ZNF469: variants seen among roughly 807,000 people sequenced by gnomAD.
ZNF469 encodes zinc finger protein 469.
Under a neutral mutation model 1.0 loss-of-function variants are expected in ZNF469, and 1 was observed. The ratio of observed to expected loss-of-function variants is 1.00; its 90% CI spans 0.35 to 4.73. The LOEUF (loss-of-function observed/expected upper bound fraction) is 4.73. Ranked by LOEUF, ZNF469 falls within the 30% of genes most tolerant of loss-of-function variation. The probability of loss-of-function intolerance (pLI) is 0.16; values close to 1 mark genes in which losing one functional copy is unlikely to be tolerated. For synonymous variants in ZNF469, 2,703 were observed against 2,363.4 expected (o/e 1.14, Z -4.17); for missense variants, 6,100 against 5,356.3 (o/e 1.14, Z -4.33).
the ZNF469 span, among the ~76,000 whole-genome samples, chr16:88,285,185 C>T: frequency 1.3e-5 from 2 of 152,392 alleles, no homozygotes; most frequent in African/African-American, 4.8e-5. Context: ...GGGCCAAAGG[C>T]CCGTGTGCCC....
the ZNF469 span, among the ~76,000 whole-genome samples, chr16:88,264,234 C>A: frequency 5.5e-4 from 84 of 152,094 alleles, no homozygotes; most frequent in Non-Finnish European, 1.2e-3. Context: ...TTCCTCCTCC[C>A]ACACCGAAAC....
At chr16:88,276,907 T>C in the ZNF469 span, among the ~76,000 whole-genome samples, 1 of 150,540 alleles carries the variant, frequency 6.6e-6, no homozygotes, top group Admixed American at 6.6e-5. Flanking sequence ...TCATTAGTGC[T>C]GTGCCACACT....
At chr16:88,259,376 C>T in the ZNF469 span, among the ~76,000 whole-genome samples, 1 of 152,084 alleles carries the variant, frequency 6.6e-6, no homozygotes, top group Non-Finnish European at 1.5e-5. This position sits in a 1 kb window ranked among gnomAD's most constrained non-coding sequence, Gnocchi z 4.1. Flanking sequence ...GCGGAGTCTG[C>T]GAAACAAAAC....
At chr16:88,268,369 C>CA in the ZNF469 span, among the ~76,000 whole-genome samples, 1 of 152,040 alleles carries the variant, frequency 6.6e-6, no homozygotes, top group Non-Finnish European at 1.5e-5. Context: ...TGATTTCAGT[C>CA]GTTTTTTCAC....
the ZNF469 span, among the ~76,000 whole-genome samples, chr16:88,131,099 A>G: frequency 0.025 from 3,750 of 151,980 alleles, no homozygotes; most frequent in African/African-American, 0.082. Context: ...AATTTGCATC[A>G]TGTTCAGATC....
At chr16:88,297,542 A>G in the ZNF469 span, among the ~76,000 whole-genome samples, 1 of 152,170 alleles carries the variant, frequency 6.6e-6, no homozygotes, top group Non-Finnish European at 1.5e-5. Context: ...CAAGTGGGAA[A>G]CGGAAGCTGT....
chr16:88,369,870 C>T, the ZNF469 span, among the ~76,000 whole-genome samples: 5 of 152,242 alleles, frequency 3.3e-5, no homozygotes, highest in African/African-American at 1.2e-4. Flanking sequence ...TCCGTCCCCA[C>T]CGCGCCCTCA....
At chr16:88,346,582 G>T in the ZNF469 span, among the ~76,000 whole-genome samples, 1 of 152,050 alleles carries the variant, frequency 6.6e-6, no homozygotes, top group Non-Finnish European at 1.5e-5. Flanking sequence ...GCAGTGGCAC[G>T]ATGTTGGCTC....
In ZNF469 at chr16:88,440,597, C is replaced by G. The variant is rs1906929974; in HGVS notation, c.*1265C>G. On this transcript the variant is annotated 3_prime_UTR_variant, in exon 3 of 3. Coordinates refer to ENST00000565624, the MANE Select transcript of ZNF469 (RefSeq NM_001367624.2). ...TTTTTATTTTGATATTTGAAAGAGA[C>G]CAAATCAGGCCCAGACCGCCTCTCT... The G allele has an allele frequency of 6.6e-6, 1 of 152,146 alleles. No homozygotes were observed. Among genetic ancestry groups the G allele is most frequent in the African/African-American group, 2.4e-5 (1 of 41,418 alleles). The allele number at this position is 152,146 out of a possible 1,614,324, so 9.4% of individuals were successfully genotyped here. A position where few individuals can be genotyped will look rare whatever the true frequency, so the allele number is the denominator to read the frequency against.
the ZNF469 span, among the ~76,000 whole-genome samples, chr16:88,329,207 G>T: frequency 6.6e-6 from 1 of 152,192 alleles, no homozygotes; most frequent in South Asian, 2.1e-4. Context: ...GCTGCTGTCC[G>T]TGACTGGGCA....
the ZNF469 span, among the ~76,000 whole-genome samples, chr16:88,271,032 G>C: frequency 1.3e-5 from 2 of 152,218 alleles, no homozygotes; most frequent in Non-Finnish European, 2.9e-5. Context: ...ATTCAGCTCA[G>C]TTGTTCACTG....
chr16:88,294,014 G>C, the ZNF469 span, among the ~76,000 whole-genome samples: 1 of 152,318 alleles, frequency 6.6e-6, no homozygotes, highest in South Asian at 2.1e-4. Flanking sequence ...CCAGCTCCGA[G>C]TGCCAGGACT....
chr16:88,232,841 T>C, the ZNF469 span, among the ~76,000 whole-genome samples: 6 of 152,250 alleles, frequency 3.9e-5, no homozygotes, highest in Non-Finnish European at 8.8e-5. Context: ...CATTCGGAGC[T>C]GCTCCTCAGG....
chr16:88,382,102 G>A (rs1413136656), upstream of ZNF469, among the ~76,000 whole-genome samples: 2 of 152,244 alleles, frequency 1.3e-5, no homozygotes, highest in Non-Finnish European at 2.9e-5. Flanking sequence ...TTCATGACTT[G>A]GGATCCTCTG....
At chr16:88,145,499 G>A in the ZNF469 span, among the ~76,000 whole-genome samples, 2 of 152,250 alleles carry the variant, frequency 1.3e-5, no homozygotes, top group Non-Finnish European at 2.9e-5. Flanking sequence ...TCACCGGGCC[G>A]AGCTGCCCTC....
chr16:88,280,101 G>C, the ZNF469 span, among the ~76,000 whole-genome samples: 4 of 151,736 alleles, frequency 2.6e-5, no homozygotes, highest in African/African-American at 9.7e-5. Context: ...GTACATATCA[G>C]TGCATGGTTA....
chr16:88,430,797 C>A lies in ZNF469; in HGVS notation c.3327C>A (p.Pro1109=). 1 of 1,528,158 alleles carries A rather than the reference C, an allele frequency of 6.5e-7. No homozygotes were observed. The allele number at this position is 1,528,158 out of a possible 1,614,324, so 94.7% of individuals were successfully genotyped here. The change falls in exon 3 of 3, where the codon CCC becomes CCA. Residue 1109 remains proline (P), a synonymous_variant. Transcript: ENST00000565624. ...ACGAGCAGCCTCCGCCGCGGGGCCC[C>A]GGCTTCAGAGGCCGGCGGGGCCGAG... ...EEDEQPPPRG[P]GFRGRRGRGE...
chr16:88,232,075 C>A, the ZNF469 span, among the ~76,000 whole-genome samples: 1 of 152,060 alleles, frequency 6.6e-6, no homozygotes, highest in Non-Finnish European at 1.5e-5. Flanking sequence ...GCAGGGCGGG[C>A]GCGAGGAGGG....
chr16:88,235,641 C>A, the ZNF469 span, among the ~76,000 whole-genome samples: 1 of 152,182 alleles, frequency 6.6e-6, no homozygotes, highest in Non-Finnish European at 1.5e-5. Context: ...TCTTGGAGGT[C>A]AACGTTTCAA....
Sources: allele counts gnomAD v4.1 joint callset (sites outside exome capture counted in the v4.1 genomes callset), GRCh38; gene constraint gnomAD v4.1.1; non-coding constraint Gnocchi (gnomAD v3.1); transcripts MANE v1.5; gene names NCBI Gene and HGNC (gene_info 2026-07-23, HGNC 2026-07-21).